FLG2: variants seen among roughly 807,000 people sequenced by gnomAD.
FLG2 encodes the protein filaggrin-2.
Under a neutral mutation model 3.9 loss-of-function variants are expected in FLG2, and 7 were observed. That is an observed-to-expected ratio of 1.79 (90% CI 1.02 to 3.36). The LOEUF (loss-of-function observed/expected upper bound fraction) is 3.36. Among genes scored for constraint, FLG2 ranks in the 30% most tolerant of loss-of-function variants. The pLI is 0.00. For missense variants in FLG2, 2,700 were observed against 2,809.4 expected (o/e 0.96, Z 0.88); for synonymous variants, 1,031 against 1,056.1 (o/e 0.98, Z 0.46).
In FLG2 at chr1:152,353,325, T is replaced by C. The variant is rs1469613509; in HGVS notation, c.4461A>G (p.Thr1487=). 8.1e-6 allele frequency: 13 copies of C among 1,612,808 alleles called. No individual in the cohort carries two copies. The highest frequency in any genetic ancestry group is 1.1e-5 in the Non-Finnish European group (13 of 1,179,784). ...RHAHYHHGKS[T]QRGSSTTGRR... is the part of the protein sequence containing the mutation. Reference sequence around the variant, plus strand: ...TTCCAGTTGTACTGGACCCTCTCTGTGTGGATTTTCCATGATGATAGTGGG... The same window carrying C: ...TTCCAGTTGTACTGGACCCTCTCTGCGTGGATTTTCCATGATGATAGTGGG... Residue 1487 remains threonine (T), a synonymous_variant, in exon 3 of 3, where the codon ACA becomes ACG. Coordinates refer to ENST00000388718, the MANE Select transcript of FLG2 (RefSeq NM_001014342.3).
Position 152,354,317 on chromosome 1 carries a change from C to T in FLG2, c.3469G>A (p.Gly1157Ser), listed in dbSNP as rs754459885. Residue 1157 changes from glycine (G) to serine (S), a missense_variant, in exon 3 of 3, where the codon GGT becomes AGT. By Grantham distance (56) the Gly-to-Ser change is moderately conservative. Transcript: ENST00000388718. Reference protein sequence around the residue: ...RSGQSSYGQHGTGSSQSSGCG... With the variant: ...RSGQSSYGQHSTGSSQSSGCG... Reference sequence around the variant, plus strand: ...CCAGATGATTGACTGGAGCCAGTACCATGTTGGCCATAGCTAGACTGACCT... The same window carrying T: ...CCAGATGATTGACTGGAGCCAGTACTATGTTGGCCATAGCTAGACTGACCT... 1 of 1,614,204 alleles carries T rather than the reference C, an allele frequency of 6.2e-7. No individual in the cohort carries two copies. Among genetic ancestry groups the T allele is most frequent in the South Asian group, 1.1e-5 (1 of 91,082 alleles).
rs745972718 is a variant in FLG2, at chr1:152,352,002, A to G, written c.5784T>C (p.Asp1928=). 53 of 1,613,578 alleles carry G rather than the reference A, an allele frequency of 3.3e-5. No individual in the cohort carries two copies. The South Asian group carries it at 5.7e-4, about 17-fold the overall frequency. Reference sequence around the variant, plus strand: ...GACTAGGGTGGCCATGTTCAGTGGTATCTCCTGTCTGTCCATGAGTAGTTT... The same window carrying G: ...GACTAGGGTGGCCATGTTCAGTGGTGTCTCCTGTCTGTCCATGAGTAGTTT... ...RHQTTHGQTG[D]TTEHGHPSHG... is the part of the protein sequence containing the mutation. The change falls in exon 3 of 3, where the codon GAT becomes GAC. Residue 1928 remains aspartate, a synonymous_variant. Coordinates refer to ENST00000388718, the MANE Select transcript of FLG2 (RefSeq NM_001014342.3).
rs1043408850 is a variant in FLG2 at position 152,357,492 on chromosome 1, C to A, written c.294G>T (p.Gly98=). Residue 98 remains glycine, a synonymous_variant, in exon 3 of 3, where the codon GGG becomes GGT. Transcript: ENST00000388718. The stretch of plus-strand genomic sequence containing the variant: ...GGTGACCACGCCTATGCTTCTTTGA[C>A]CCTGAAGCTTTGCAGTATTCTTTGC... The part of the protein sequence containing the change: ...VLSKEYCKAS[G]SKKHRRGHRH... 1 of 1,614,110 alleles carries A rather than the reference C, an allele frequency of 6.2e-7. No homozygotes were observed. The highest frequency in any genetic ancestry group is 8.5e-7 in the Non-Finnish European group (1 of 1,180,036).
chr1:152,354,287 C>T lies in FLG2; in HGVS notation c.3499G>A (p.Gly1167Ser), dbSNP rs1276655238. The change falls in exon 3 of 3, where the codon GGC (glycine) becomes AGC (serine). Residue 1167 changes from glycine (G) to serine (S), a missense_variant. By Grantham distance (56) the Gly-to-Ser change is moderately conservative. Coordinates refer to ENST00000388718, the MANE Select transcript of FLG2 (RefSeq NM_001014342.3). ...GGACCTGAGCCAGACTCATGTTGGC[C>T]ACAGCCAGATGATTGACTGGAGCCA... is the stretch of plus-strand genomic sequence containing the variant. ...GTGSSQSSGC[G>S]QHESGSGPTT... 1.9e-6 allele frequency: 3 copies of T among 1,614,160 alleles called. No individual in the cohort carries two copies. The highest frequency in any genetic ancestry group is 2.5e-6 in the Non-Finnish European group (3 of 1,179,994).
Position 152,353,846 on chromosome 1 carries a change from T to C in FLG2, c.3940A>G (p.Thr1314Ala), listed in dbSNP as rs150792575. 32 of 1,613,446 alleles carry C rather than the reference T, an allele frequency of 2.0e-5. No homozygotes were observed. The highest frequency in any genetic ancestry group is 2.4e-5 in the Non-Finnish European group (28 of 1,179,634). ...GSTVRRRQGT[T>A]HGQRGDTTRH... is the part of the protein sequence containing the mutation. ...GTGGTATCTCCTCTCTGTCCATGAGTAGTTCCTTGTCTTCTGCGAACTGTG... is the reference window on the plus strand; with the variant it reads ...GTGGTATCTCCTCTCTGTCCATGAGCAGTTCCTTGTCTTCTGCGAACTGTG... The change falls in exon 3 of 3, where the codon ACT becomes GCT. Residue 1314 changes from threonine to alanine, a missense_variant. Physicochemically the swap from Thr to Ala is moderately conservative, Grantham distance 58 (BLOSUM62 0). Transcript: ENST00000388718.
chr1:152,357,194 C>CAT lies in FLG2; in HGVS notation c.590_591dup (p.Gly198MetfsTer6), dbSNP rs752015791. The CAT allele has an allele frequency of 1.2e-6, 2 of 1,614,148 alleles. No homozygotes were observed. The highest frequency in any genetic ancestry group is 2.7e-5 in the African/African-American group (2 of 75,036). Reference sequence around the variant, plus strand: ...TCTCTCAGTTCTACAGAGCTGGAACCATGTCTGTCTTTGCCACCACTCCAT... The same window carrying CAT: ...TCTCTCAGTTCTACAGAGCTGGAACCATATGTCTGTCTTTGCCACCACTCCAT... On this transcript the variant is annotated frameshift_variant, in exon 3 of 3. Coordinates refer to ENST00000388718, the MANE Select transcript of FLG2 (RefSeq NM_001014342.3). LOFTEE classifies it low-confidence loss of function (END_TRUNC).
At position 152,352,412 on chromosome 1, in the gene FLG2, C is replaced by T; in HGVS notation, c.5374G>A (p.Gly1792Arg). ...GACCTTCTTCCAGTGGTCCTGGACC[C>T]TGTCTGTGTGGACTGTCCATGACCA... is the stretch of plus-strand genomic sequence containing the variant. ...HSGHGQSTQT[G>R]SRTTGRRSSG... Residue 1792 changes from glycine to arginine, a missense_variant, in exon 3 of 3, where the codon GGG becomes AGG. Coordinates refer to ENST00000388718, the MANE Select transcript of FLG2 (RefSeq NM_001014342.3). The T allele has an allele frequency of 6.2e-7, 1 of 1,613,816 alleles. No homozygotes were observed. The highest frequency in any genetic ancestry group is 8.5e-7 in the Non-Finnish European group (1 of 1,179,950).
rs571843424 is a variant in FLG2, at chr1:152,354,638, C to T, written c.3148G>A (p.Gly1050Ser). ...QHGSGSDQSS[G>S]FGQHGTGSGQ... is the part of the protein sequence containing the mutation. ...GAACCAGTCCCATGTTGTCCAAAGCCAGAGGACTGATCTGAGCCTGATCCA... is the reference window on the plus strand; with the variant it reads ...GAACCAGTCCCATGTTGTCCAAAGCTAGAGGACTGATCTGAGCCTGATCCA... Residue 1050 changes from glycine to serine, a missense_variant, in exon 3 of 3, where the codon GGC becomes AGC. Physicochemically the swap from Gly to Ser is moderately conservative, Grantham distance 56. Coordinates refer to ENST00000388718, the MANE Select transcript of FLG2 (RefSeq NM_001014342.3). The T allele has an allele frequency of 1.2e-6, 2 of 1,614,038 alleles. No homozygotes were observed. The highest frequency in any genetic ancestry group is 4.5e-5 in the East Asian group (2 of 44,870).
rs1242854528 is a variant in FLG2 at position 152,351,883 on chromosome 1, G to A, written c.5903C>T (p.Ser1968Leu). ...GTGAGTGTGTCCTGAATGTGTGTGT[G>A]AGACCCCTGAGGGCCCTTCACTGTC... ...YSDSEGPSGV[S>L]HTHSGHTHGQ... Residue 1968 changes from serine to leucine, a missense_variant, in exon 3 of 3, where the codon TCA becomes TTA. Coordinates refer to ENST00000388718, the MANE Select transcript of FLG2 (RefSeq NM_001014342.3). The A allele has an allele frequency of 2.5e-6, 4 of 1,613,244 alleles. No individual in the cohort carries two copies. The highest frequency in any genetic ancestry group is 3.4e-6 in the Non-Finnish European group (4 of 1,179,834).
rs778524094 is a variant in FLG2, at chr1:152,355,755, T to C, written c.2031A>G (p.Gln677=). 1.1e-5 allele frequency: 18 copies of C among 1,613,342 alleles called. No homozygotes were observed. Among genetic ancestry groups the C allele is most frequent in the South Asian group, 7.7e-5 (7 of 91,040 alleles). The change falls in exon 3 of 3, where the codon CAA becomes CAG. Residue 677 remains glutamine, a synonymous_variant. Coordinates refer to ENST00000388718, the MANE Select transcript of FLG2 (RefSeq NM_001014342.3). ...GFGQHVSGSG[Q]SSGFGQHESR... is the part of the protein sequence containing the mutation. The stretch of plus-strand genomic sequence containing the variant: ...ACTCATGTTGTCCAAAACCAGAGGA[T>C]TGTCCTGAGCCAGAAACATGTTGTC...
rs774518338 is a variant in FLG2 at position 152,355,154 on chromosome 1, A to G, written c.2632T>C (p.Ser878Pro). The change falls in exon 3 of 3, where the codon TCA becomes CCA. Residue 878 changes from serine to proline, a missense_variant. Coordinates refer to ENST00000388718, the MANE Select transcript of FLG2 (RefSeq NM_001014342.3). ...TGTCCAAAGCCAGAGTATTGACCTGAGCTTGACCTGTGTTGTCCAAAGCCA... is the reference window on the plus strand; with the variant it reads ...TGTCCAAAGCCAGAGTATTGACCTGGGCTTGACCTGTGTTGTCCAAAGCCA... ...TSGFGQHRSS[S>P]GQYSGFGQHG... 6.4e-7 allele frequency: 1 copy of G among 1,554,338 alleles called. No individual in the cohort carries two copies.
rs749358253 is a variant in FLG2, at chr1:152,356,003, G to T, written c.1783C>A (p.Gln595Lys). ...GATTGTCCTGAGCCAGACCCATGTT[G>T]TCCAAAGCCAGAGGACTGACCTGAG... Reference protein sequence around the residue: ...SGSGQSSGFGQHGSGSGQSSG... With the variant: ...SGSGQSSGFGKHGSGSGQSSG... The change falls in exon 3 of 3, where the codon CAA becomes AAA. Residue 595 changes from glutamine (Q) to lysine (K), a missense_variant. Gln to Lys is a moderately conservative substitution (Grantham distance 53). Transcript: ENST00000388718. The T allele has an allele frequency of 5.0e-6, 8 of 1,613,346 alleles. No homozygotes were observed. The African/African-American group carries it at 1.1e-4, about 22-fold the overall frequency.
Position 152,354,825 on chromosome 1 carries a change from A to G in FLG2, c.2961T>C (p.Phe987=), listed in dbSNP as rs146314598. Residue 987 remains phenylalanine, a synonymous_variant, in exon 3 of 3, where the codon TTT becomes TTC. Coordinates refer to ENST00000388718, the MANE Select transcript of FLG2 (RefSeq NM_001014342.3). ...GACTTGATCTAGACTCATGCTGTCC[A>G]AAGCCAGAGGATTTTCCTGAGCCTG... The part of the protein sequence containing the change: ...HESGSGKSSG[F]GQHESRSSQS... 17 of 1,613,544 alleles carry G rather than the reference A, an allele frequency of 1.1e-5. No individual in the cohort carries two copies. The highest frequency in any genetic ancestry group is 1.4e-5 in the Non-Finnish European group (17 of 1,179,960).
At chr1:152,357,721 G>A (rs80001616) in intron 2 of FLG2, 74 bp from the exon 3 acceptor site, 35 of 1,062,558 alleles carry the variant, frequency 3.3e-5, no homozygotes, top group Admixed American at 4.6e-5. Context: ...TTTAAATAGC[G>A]CTGTGAAATT....
chr1:152,350,690 C>T lies in FLG2; in HGVS notation c.7096G>A (p.Gly2366Ser), dbSNP rs559109355. ...YGHTGYGPSG[G>S]SRKSISNSHL... ...GAATTACTGATGCTTTTTCTGCTGCCACCAGAAGGCCCATACCCAGTGTGC... is the reference window on the plus strand; with the variant it reads ...GAATTACTGATGCTTTTTCTGCTGCTACCAGAAGGCCCATACCCAGTGTGC... The change falls in exon 3 of 3, where the codon GGC becomes AGC. Residue 2366 changes from glycine (G) to serine (S), a missense_variant. Coordinates refer to ENST00000388718, the MANE Select transcript of FLG2 (RefSeq NM_001014342.3). 1.9e-6 allele frequency: 3 copies of T among 1,614,180 alleles called. No individual in the cohort carries two copies. Among genetic ancestry groups the T allele is most frequent in the East Asian group, 2.2e-5 (1 of 44,872 alleles).
chr1:152,354,723 C>G lies in FLG2; in HGVS notation c.3063G>C (p.Gln1021His). ...ACCTGTGTTGTCCAAAGCCAGTTGT[C>G]TGTCCTGAACTAGACCCATGTTGAC... ...GYGQHGSSSG[Q>H]TTGFGQHRSS... The change falls in exon 3 of 3, where the codon CAG (glutamine) becomes CAC (histidine). Residue 1021 changes from glutamine to histidine, a missense_variant. Gln to His is a conservative substitution (Grantham distance 24, BLOSUM62 0). Coordinates refer to ENST00000388718, the MANE Select transcript of FLG2 (RefSeq NM_001014342.3). 6.2e-7 allele frequency: 1 copy of G among 1,613,848 alleles called. No homozygotes were observed. Among genetic ancestry groups the G allele is most frequent in the Non-Finnish European group, 8.5e-7 (1 of 1,179,964 alleles).
chr1:152,353,688 T>C lies in FLG2; in HGVS notation c.4098A>G (p.Gln1366=). 1 of 1,614,020 alleles carries C rather than the reference T, an allele frequency of 6.2e-7. No individual in the cohort carries two copies. The highest frequency in any genetic ancestry group is 8.5e-7 in the Non-Finnish European group (1 of 1,179,964). ...ATCCAGCTTGGCTGTGAGTTTGTTC[T>C]TGTGAGTGTGGTCTATGTGAGACCC... is the stretch of plus-strand genomic sequence containing the variant. ...HSGVSHRPHS[Q]EQTHSQAGSQ... Residue 1366 remains glutamine (Q), a synonymous_variant, in exon 3 of 3, where the codon CAA becomes CAG. Coordinates refer to ENST00000388718, the MANE Select transcript of FLG2 (RefSeq NM_001014342.3).
chr1:152,352,738 T>G lies in FLG2; in HGVS notation c.5048A>C (p.Gln1683Pro), dbSNP rs1356323312. Residue 1683 changes from glutamine to proline, a missense_variant, in exon 3 of 3, where the codon CAG (glutamine) becomes CCG (proline). By Grantham distance (76) the Gln-to-Pro change is moderately conservative. Transcript: ENST00000388718. ...TCTCTCAGGAACTATGGATTCTGAC[T>G]GTCCATGTTGAGATCCAGCTTGACC... ...THGQAGSQHG[Q>P]SESIVPERHG... is the part of the protein sequence containing the mutation. 1 of 1,614,014 alleles carries G rather than the reference T, an allele frequency of 6.2e-7. No individual in the cohort carries two copies. Among genetic ancestry groups the G allele is most frequent in the South Asian group, 1.1e-5 (1 of 91,068 alleles).
Position 152,356,093 on chromosome 1 carries a change from A to T in FLG2, c.1693T>A (p.Ser565Thr). Residue 565 changes from serine to threonine, a missense_variant, in exon 3 of 3, where the codon TCT (serine) becomes ACT (threonine). Physicochemically the swap from Ser to Thr is moderately conservative, Grantham distance 58 (BLOSUM62 1). Transcript: ENST00000388718. ...CCCAACCCATGTTGTCCAAAGCCAGATGTCTCTCTAGACCCATATTGGCCA... is the reference window on the plus strand; with the variant it reads ...CCCAACCCATGTTGTCCAAAGCCAGTTGTCTCTCTAGACCCATATTGGCCA... ...GYGQYGSRET[S>T]GFGQHGLGSG... 1.2e-6 allele frequency: 2 copies of T among 1,613,574 alleles called. No homozygotes were observed. The highest frequency in any genetic ancestry group is 1.1e-5 in the South Asian group (1 of 91,050).
Sources: allele counts gnomAD v4.1 joint callset, GRCh38; gene constraint gnomAD v4.1.1; transcripts MANE v1.5; gene names NCBI Gene and HGNC (gene_info 2026-07-23, HGNC 2026-07-21).